The following AP1B1 variants were observed in gnomAD, a reference collection of about 807,000 sequenced individuals.
AP1B1 encodes the protein AP-1 complex subunit beta-1.
In AP1B1, 36 loss-of-function variants were observed where a neutral mutation model predicts 104.3. The observed-to-expected ratio is 0.35, with a 90% CI of 0.26 to 0.46. AP1B1 has a LOEUF of 0.46. Among genes scored for constraint, AP1B1 ranks in the 20% least tolerant of loss-of-function variants. The pLI, the probability that AP1B1 is intolerant of heterozygous loss-of-function variation, is 1.00. For synonymous variants in AP1B1, 504 were observed against 517.5 expected (o/e 0.97, Z 0.35); for missense variants, 901 against 1,247.9 (o/e 0.72, Z 4.19).
chr22:29,376,477 C>T (rs568674385), intron 1 of AP1B1, among the ~76,000 whole-genome samples: 2 of 152,182 alleles, frequency 1.3e-5, no homozygotes, highest in Non-Finnish European at 2.9e-5. Flanking sequence ...ATCTCTATCT[C>T]TGAACTCAAG....
chr22:29,337,855 C>G (rs912728332), intron 16 of AP1B1, among the ~76,000 whole-genome samples: 1 of 152,250 alleles, frequency 6.6e-6, no homozygotes, highest in Non-Finnish European at 1.5e-5. Context: ...ACGGAATCCC[C>G]CGGGGCCGGT....
At chr22:29,375,669 G>C (rs2062327807) in intron 1 of AP1B1, among the ~76,000 whole-genome samples, 1 of 152,214 alleles carries the variant, frequency 6.6e-6, no homozygotes, top group Admixed American at 6.5e-5. Flanking sequence ...CAAGATGGCT[G>C]CCAGGAAATC....
intron 15 of AP1B1, 36 bp downstream of exon 15, chr22:29,339,715 CAAG>C: frequency 6.2e-7 from 1 of 1,606,744 alleles, no homozygotes; most frequent in Non-Finnish European, 8.5e-7. Flanking sequence ...TCGGGAGGAG[CAAG>C]GACGAAGGCT....
Position 29,361,912 on chromosome 22 carries a change from G to T in AP1B1, c.143+1089C>A, listed in dbSNP as rs376487153. 8.9e-4 allele frequency among the ~76,000 whole-genome samples: 136 copies of T among 152,076 alleles called. 1 individual carries two copies. The highest frequency in any genetic ancestry group is 3.1e-3 in the African/African-American group (130 of 41,456). On this transcript the variant is annotated intron_variant, in intron 3 of 22. Transcript: ENST00000357586. ...CAGGTTCCAGCAATTCTCTGCCTCA[G>T]CCTCCCAAGTAGCTGGGATTACAGG...
intron 13 of AP1B1, 66 bp downstream of exon 13, chr22:29,341,435 T>C: frequency 6.4e-7 from 1 of 1,566,896 alleles, no homozygotes; most frequent in Non-Finnish European, 8.7e-7. Context: ...CAGGCCTGAG[T>C]GCCTGTGCTG....
At chr22:29,355,152 G>A (rs1235284827) in intron 6 of AP1B1, among the ~76,000 whole-genome samples, 3 of 151,794 alleles carry the variant, frequency 2.0e-5, no homozygotes, top group South Asian at 2.1e-4. Flanking sequence ...CATGAGAATC[G>A]CTTGAACCCA....
chr22:29,380,479 G>C (rs1426555283), intron 1 of AP1B1, among the ~76,000 whole-genome samples: 1 of 152,128 alleles, frequency 6.6e-6, no homozygotes, highest in Non-Finnish European at 1.5e-5. Context: ...CTAGCAGGCA[G>C]CTCAAACAAT....
Position 29,330,625 on chromosome 22 carries a change from G to C in AP1B1, c.2609C>G (p.Ala870Gly), listed in dbSNP as rs1277621209. ...GGTCGGGGGCTCGGAGTCCTCACCT[G>C]CATTGAGGGGGCAGTCTCTGATCTG... ...QFQIRDCPLNAEAASSKLQSS... is the reference protein window; with the variant it reads ...QFQIRDCPLNGEAASSKLQSS... Residue 870 changes from alanine (A) to glycine (G), a missense_variant and splice_region_variant, in exon 20 of 23, where the codon GCA (alanine) becomes GGA (glycine). This residue lies in a region of AP1B1 where 424 missense variants were observed against 494.0 expected (regional missense o/e 0.86). Coordinates refer to ENST00000357586, the MANE Select transcript of AP1B1 (RefSeq NM_001127.4). 6.2e-7 allele frequency: 1 copy of C among 1,613,718 alleles called. No homozygotes were observed. Among genetic ancestry groups the C allele is most frequent in the South Asian group, 1.1e-5 (1 of 91,078 alleles).
intron 14 of AP1B1, 93 bp from the exon 15 acceptor site, chr22:29,339,867 G>T: frequency 2.9e-6 from 4 of 1,358,650 alleles, no homozygotes; most frequent in Non-Finnish European, 4.1e-6. Flanking sequence ...AGAGAGAAGG[G>T]AAAGAGGGAG....
chr22:29,378,116 G>A (rs759800959), intron 1 of AP1B1, among the ~76,000 whole-genome samples: 1 of 152,030 alleles, frequency 6.6e-6, no homozygotes, highest in African/African-American at 2.4e-5. Flanking sequence ...TCCCTCAGAT[G>A]TTGAATTACA....
intron 3 of AP1B1, among the ~76,000 whole-genome samples, chr22:29,360,769 G>A (rs567361878): frequency 2.6e-5 from 4 of 152,316 alleles, no homozygotes; most frequent in East Asian, 3.9e-4. Flanking sequence ...CATGGTACCC[G>A]TGGTCCCAGA....
chr22:29,352,041 C>T (rs539969085), intron 7 of AP1B1, among the ~76,000 whole-genome samples: 31 of 152,320 alleles, frequency 2.0e-4, no homozygotes, highest in African/African-American at 6.0e-4. Context: ...AGCACGTCGC[C>T]GGAAGGGAGA....
At chr22:29,374,984 C>T (rs977486723) in intron 1 of AP1B1, among the ~76,000 whole-genome samples, 2 of 152,034 alleles carry the variant, frequency 1.3e-5, no homozygotes, top group Non-Finnish European at 2.9e-5. Context: ...ACAGTAAGAC[C>T]CCAACTCTAT....
At chr22:29,339,228 C>G in intron 15 of AP1B1, 95 bp from the exon 16 acceptor site, 1 of 1,458,240 alleles carries the variant, frequency 6.9e-7, no homozygotes, top group Non-Finnish European at 9.5e-7. Context: ...TTAGAAGACA[C>G]TGGGGGCAGG....
intron 17 of AP1B1, among the ~76,000 whole-genome samples, chr22:29,332,568 C>T (rs1001187691): frequency 1.3e-5 from 2 of 152,186 alleles, no homozygotes; most frequent in Non-Finnish European, 2.9e-5. Flanking sequence ...GCTCGGTATA[C>T]CTGGGCTGCG....
chr22:29,383,024 CTTT>C (rs2062461409), intron 1 of AP1B1, among the ~76,000 whole-genome samples: 1 of 152,110 alleles, frequency 6.6e-6, no homozygotes, highest in Non-Finnish European at 1.5e-5. Context: ...TTCTCTACTT[CTTT>C]GTCTCTCTCT....
chr22:29,350,318 C>A (rs1292722291), intron 9 of AP1B1, among the ~76,000 whole-genome samples, 168 bp from the exon 10 acceptor site: 1 of 152,120 alleles, frequency 6.6e-6, no homozygotes. Flanking sequence ...AGAACCAGTA[C>A]CAAATCATGG....
At chr22:29,344,255 TTA>T (rs1282999025) in intron 11 of AP1B1, among the ~76,000 whole-genome samples, 1 of 152,296 alleles carries the variant, frequency 6.6e-6, no homozygotes, top group Admixed American at 6.5e-5. Flanking sequence ...ATGCCTGGAA[TTA>T]TTCATCACTG....
At chr22:29,329,776 CG>C in intron 21 of AP1B1, 56 bp from the exon 22 acceptor site, 1 of 1,610,454 alleles carries the variant, frequency 6.2e-7, no homozygotes, top group Non-Finnish European at 8.5e-7. Context: ...CACAGGGAGA[CG>C]GAAGTTACCA....
Sources: allele counts gnomAD v4.1 joint callset (sites outside exome capture counted in the v4.1 genomes callset), GRCh38; gene constraint gnomAD v4.1.1; regional missense constraint gnomAD v4.1.1; transcripts MANE v1.5; gene names NCBI Gene and HGNC (gene_info 2026-07-23, HGNC 2026-07-21).